The following CDC14A variants were observed in gnomAD, a reference collection of about 807,000 sequenced individuals.
CDC14A encodes the protein cell division cycle 14A.
CDC14A carries 53 observed loss-of-function variants against 74.4 expected under a neutral mutation model. The observed-to-expected ratio is 0.71, with a 90% CI of 0.57 to 0.89. The LOEUF is 0.89. CDC14A is among the 40% of genes least tolerant of loss of function. CDC14A has a pLI of 0.00. For synonymous variants in CDC14A, 247 were observed against 258.4 expected, an observed-to-expected ratio of 0.96 and a Z score of 0.43; for missense variants, 646 against 713.7, an observed-to-expected ratio of 0.91 and a Z score of 1.08.
upstream of CDC14A, among the ~76,000 whole-genome samples, chr1:100,350,321 G>A (rs1650833768): frequency 6.6e-6 from 1 of 152,182 alleles, no homozygotes. Context: ...TTGAACTCCT[G>A]ACCTCAGGTG....
chr1:100,403,472 G>A (rs2101018668), intron 4 of CDC14A, among the ~76,000 whole-genome samples: 1 of 152,310 alleles, frequency 6.6e-6, no homozygotes, highest in South Asian at 2.1e-4. Flanking sequence ...GCAGGTGATT[G>A]TTTGATTGCT....
At chr1:100,427,146 C>A (rs1206472052) in intron 5 of CDC14A, among the ~76,000 whole-genome samples, 1 of 152,050 alleles carries the variant, frequency 6.6e-6, no homozygotes, top group Non-Finnish European at 1.5e-5. Context: ...AAAAAAAAAT[C>A]CCATTTCTTA....
intron 12 of CDC14A, among the ~76,000 whole-genome samples, chr1:100,495,529 G>C (rs528260081): frequency 2.6e-5 from 4 of 152,116 alleles, no homozygotes; most frequent in Non-Finnish European, 5.9e-5. Context: ...AGGTGCAAAC[G>C]TTTGTAAATA....
chr1:100,457,754 A>G (rs1487262667), intron 8 of CDC14A, among the ~76,000 whole-genome samples: 1 of 151,738 alleles, frequency 6.6e-6, no homozygotes, highest in East Asian at 1.9e-4. Flanking sequence ...TAAGCCACTG[A>G]GCCCAGCCTG....
intron 4 of CDC14A, among the ~76,000 whole-genome samples, chr1:100,419,679 T>C (rs146790450): frequency 1.0e-3 from 159 of 152,278 alleles, no homozygotes; most frequent in African/African-American, 3.6e-3. Flanking sequence ...CCACATTTGG[T>C]AAATCATAGT....
intron 4 of CDC14A, among the ~76,000 whole-genome samples, chr1:100,411,889 A>G (rs1391314954): frequency 6.6e-6 from 1 of 152,206 alleles, no homozygotes; most frequent in Non-Finnish European, 1.5e-5. Flanking sequence ...TGGCTACTTC[A>G]GATTGGAAGT....
At chr1:100,443,225 A>G (rs1571206059) in intron 7 of CDC14A, 2 of 371,316 alleles carry the variant, frequency 5.4e-6, no homozygotes, top group East Asian at 4.6e-5. Context: ...TCATTTATAT[A>G]CAATCACTTT....
intron 4 of CDC14A, chr1:100,392,979 A>G: frequency 8.5e-7 from 1 of 1,170,720 alleles, no homozygotes; most frequent in Non-Finnish European, 1.2e-6. Context: ...AGTTCATTAA[A>G]AGTTCAGATG....
intron 5 of CDC14A, among the ~76,000 whole-genome samples, chr1:100,424,934 G>C (rs1233924302): frequency 6.7e-6 from 1 of 149,220 alleles, no homozygotes; most frequent in African/African-American, 2.6e-5. Flanking sequence ...TTGGGAGGCT[G>C]AGGCTGGTGG....
intron 9 of CDC14A, among the ~76,000 whole-genome samples, chr1:100,467,408 C>T (rs1667945388): frequency 6.7e-6 from 1 of 148,222 alleles, no homozygotes; most frequent in South Asian, 2.2e-4. Flanking sequence ...CACACGCGCG[C>T]ACACACACAC....
At chr1:100,433,549 C>T (rs1188278428) in intron 5 of CDC14A, among the ~76,000 whole-genome samples, 4 of 152,174 alleles carry the variant, frequency 2.6e-5, no homozygotes, top group African/African-American at 9.7e-5. Context: ...AGATCACAGT[C>T]ATTTCCAAAA....
At chr1:100,444,119 A>C (rs1463804104) in intron 7 of CDC14A, among the ~76,000 whole-genome samples, 2 of 152,194 alleles carry the variant, frequency 1.3e-5, no homozygotes, top group African/African-American at 4.8e-5. Context: ...GTGTTACCAC[A>C]TTGCCATCCT....
chr1:100,458,959 C>CT (rs11406295), intron 8 of CDC14A, among the ~76,000 whole-genome samples: 19,049 of 151,720 alleles, frequency 0.13, 3,565 homozygotes, highest in African/African-American at 0.4. Context: ...AAGAGCCCTA[C>CT]TTTTTTTTGT....
At chr1:100,457,011 G>A (rs1463553743) in intron 8 of CDC14A, among the ~76,000 whole-genome samples, 1 of 152,142 alleles carries the variant, frequency 6.6e-6, no homozygotes, top group Non-Finnish European at 1.5e-5. Context: ...TCTGACAATT[G>A]GCCTTTCAAG....
intron 5 of CDC14A, among the ~76,000 whole-genome samples, chr1:100,427,873 A>G (rs2101089741): frequency 6.6e-6 from 1 of 152,250 alleles, no homozygotes. Context: ...GGGAATACTG[A>G]GGAAGGAGGT....
chr1:100,487,380 G>A (rs550725401), intron 11 of CDC14A, among the ~76,000 whole-genome samples: 141 of 152,096 alleles, frequency 9.3e-4, no homozygotes, highest in African/African-American at 3.3e-3. Context: ...CCAGCATAAC[G>A]AAACCCCATC....
chr1:100,431,164 A>C (rs1663624333), intron 5 of CDC14A, among the ~76,000 whole-genome samples: 1 of 152,230 alleles, frequency 6.6e-6, no homozygotes, highest in Non-Finnish European at 1.5e-5. Flanking sequence ...AGGACCTGAG[A>C]AGAGAAACAA....
intron 2 of CDC14A, among the ~76,000 whole-genome samples, chr1:100,372,406 T>A (rs1218798899): frequency 6.6e-6 from 1 of 152,238 alleles, no homozygotes; most frequent in Non-Finnish European, 1.5e-5. Flanking sequence ...TAGGAGTTAA[T>A]CCTCTCAAAC....
At chr1:100,422,341 C>T (rs891097923) in intron 4 of CDC14A, among the ~76,000 whole-genome samples, 4 of 152,134 alleles carry the variant, frequency 2.6e-5, no homozygotes, top group Non-Finnish European at 5.9e-5. Context: ...TGCATTTTTG[C>T]TTTTCAAAGG....
Sources: allele counts gnomAD v4.1 joint callset (sites outside exome capture counted in the v4.1 genomes callset), GRCh38; gene constraint gnomAD v4.1.1; transcripts MANE v1.5; gene names NCBI Gene and HGNC (gene_info 2026-07-23, HGNC 2026-07-21).